The following COQ5 variants were observed in gnomAD, a reference collection of about 807,000 sequenced individuals.
COQ5 encodes 2-methoxy-6-polyprenyl-1,4-benzoquinol methylase, mitochondrial.
Under a neutral mutation model 40.5 loss-of-function variants are expected in COQ5, and 27 were observed. That is an observed-to-expected ratio of 0.67 (90% confidence interval 0.49 to 0.92). The LOEUF (loss-of-function observed/expected upper bound fraction) is 0.92, where lower values mean the gene tolerates loss of function less well. COQ5 is among the 40% of genes least tolerant of loss of function. The probability of loss-of-function intolerance (pLI) is 0.00; values close to 1 mark genes in which losing one functional copy is unlikely to be tolerated. For missense variants in COQ5, 409 were observed against 406.4 expected (o/e 1.01, Z -0.06); for synonymous variants, 141 against 150.0 (o/e 0.94, Z 0.44).
intron 1 of COQ5, among the ~76,000 whole-genome samples, chr12:120,528,021 A>AAAAAAAAAAAAC (rs1870041690): frequency 8.3e-6 from 1 of 120,414 alleles, no homozygotes; most frequent in Non-Finnish European, 1.8e-5. Flanking sequence ...AAAAAAAAAA[A>AAAAAAAAAAAAC]AGAAACCCCG....
At chr12:120,508,881 T>C (rs1251572767) in intron 4 of COQ5, among the ~76,000 whole-genome samples, 2 of 151,736 alleles carry the variant, frequency 1.3e-5, no homozygotes, top group Admixed American at 1.3e-4. Flanking sequence ...AAAAATTAGC[T>C]GGGCGTGGTG....
At chr12:120,523,793 C>G (rs532723792) in intron 1 of COQ5, 1 of 249,910 alleles carries the variant, frequency 4.0e-6, no homozygotes, top group Admixed American at 5.3e-5. Flanking sequence ...GTGGTTCACT[C>G]GAGGCCAGGA....
At chr12:120,509,906 C>A in intron 4 of COQ5, 111 bp downstream of exon 4, 1 of 826,956 alleles carries the variant, frequency 1.2e-6, no homozygotes, top group Non-Finnish European at 2.0e-6. Flanking sequence ...GGCAACATAC[C>A]AAGACCCCAT....
Position 120,522,329 on chromosome 12 carries a change from A to AT in COQ5, c.236dup (p.Tyr79Ter). ...GACTCATCATATCATTCATCACATC[A>AT]TACTTCTTAGCCACACTTTCAAACA... ...YQVFESVAKK[Y>*]DVMNDMMSLG... Residue 79 changes from tyrosine (Y) to a stop codon, truncating the protein, a stop_gained and frameshift_variant, in exon 2 of 7, where the codon TAT becomes TAAT. Transcript: ENST00000288532. LOFTEE classifies it high-confidence loss of function. 1 of 1,613,838 alleles carries AT rather than the reference A, an allele frequency of 6.2e-7. No homozygotes were observed. Among genetic ancestry groups the AT allele is most frequent in the South Asian group, 1.1e-5 (1 of 91,074 alleles).
intron 2 of COQ5, 87 bp from the exon 3 acceptor site, chr12:120,516,875 A>G (rs1187714743): frequency 8.9e-7 from 1 of 1,126,146 alleles, no homozygotes; most frequent in African/African-American, 1.5e-5. Context: ...CAAAGGGGTA[A>G]CAGAGGCACA....
At chr12:120,528,402 C>A (rs1870065076) in intron 1 of COQ5, among the ~76,000 whole-genome samples, 1 of 152,120 alleles carries the variant, frequency 6.6e-6, no homozygotes, top group Non-Finnish European at 1.5e-5. Context: ...ATGGTAATAA[C>A]AATACCCACT....
Position 120,523,333 on chromosome 12 carries a change from T to A in COQ5, c.203-970A>T, listed in dbSNP as rs931386863. The stretch of plus-strand genomic sequence containing the variant: ...GCCTGGGCCACAGAGCGAGACTCCG[T>A]CTCAAAGAAAAAAAAATAGGATTCA... On this transcript the variant is annotated intron_variant, in intron 1 of 6. Coordinates refer to ENST00000288532, the MANE Select transcript of COQ5 (RefSeq NM_032314.4). The A allele has an allele frequency of 3.1e-4, 100 of 318,502 alleles. 1 individual carries two copies. The highest frequency in any genetic ancestry group is 1.1e-4 in the Admixed American group (3 of 28,556). The allele number at this position is 318,502 out of a possible 1,614,324, so 19.7% of individuals were successfully genotyped here.
intron 2 of COQ5, among the ~76,000 whole-genome samples, chr12:120,517,239 C>T (rs563291600): frequency 1.5e-4 from 23 of 151,960 alleles, no homozygotes; most frequent in South Asian, 4.2e-4. Flanking sequence ...GTTATCCCAG[C>T]TACTTGGGAG....
At chr12:120,519,810 C>G (rs997966982) in intron 2 of COQ5, among the ~76,000 whole-genome samples, 1 of 142,034 alleles carries the variant, frequency 7.0e-6, no homozygotes, top group Admixed American at 7.5e-5. Flanking sequence ...GCAGAGGTTG[C>G]GGTGAGCCGA....
At chr12:120,516,240 A>T (rs967026453) in intron 3 of COQ5, among the ~76,000 whole-genome samples, 13 of 152,214 alleles carry the variant, frequency 8.5e-5, no homozygotes, top group Non-Finnish European at 1.8e-4. Flanking sequence ...CTTCTGTCTC[A>T]GGGTCTCAGA....
At chr12:120,518,587 A>G (rs1330482068) in intron 2 of COQ5, among the ~76,000 whole-genome samples, 1 of 148,272 alleles carries the variant, frequency 6.7e-6, no homozygotes, top group Admixed American at 6.8e-5. Flanking sequence ...TTTCCCTGAG[A>G]CGGAGGCTCG....
Position 120,516,746 on chromosome 12 carries a change from T to A in COQ5, c.395A>T (p.His132Leu), listed in dbSNP as rs146254683. The A allele has an allele frequency of 1.2e-6, 2 of 1,614,242 alleles. No individual in the cohort carries two copies. Among genetic ancestry groups the A allele is most frequent in the Admixed American group, 3.3e-5 (2 of 60,020 alleles). Residue 132 changes from histidine to leucine, a missense_variant, in exon 3 of 7, where the codon CAT becomes CTT. His to Leu is a moderately conservative substitution (Grantham distance 99, BLOSUM62 -3). Coordinates refer to ENST00000288532, the MANE Select transcript of COQ5 (RefSeq NM_032314.4). ...FRFLNYVQSQ[H>L]QRKQKRQLRA... ...TAACTGCCTCTTCTGTTTTCTCTGA[T>A]GCTGGGACTGAACATAATTAAGGAA...
chr12:120,517,496 C>T (rs1277473284), intron 2 of COQ5, among the ~76,000 whole-genome samples: 1 of 149,294 alleles, frequency 6.7e-6, no homozygotes, highest in Non-Finnish European at 1.5e-5. Flanking sequence ...TGATGAAACC[C>T]CGTCTCTACT....
intron 2 of COQ5, 34 bp from the exon 3 acceptor site, chr12:120,516,822 T>C (rs746582382): frequency 7.0e-6 from 11 of 1,569,386 alleles, no homozygotes; most frequent in Admixed American, 1.7e-5. Context: ...AGATGCAGAC[T>C]AAAACAAAAA....
chr12:120,504,408 A>AT (rs33973905), intron 5 of COQ5, among the ~76,000 whole-genome samples: 37,028 of 111,028 alleles, frequency 0.33, 6,959 homozygotes, highest in East Asian at 0.51. Flanking sequence ...CCTGATTTAA[A>AT]TTTTTTTTTT....
At chr12:120,510,179 C>T (rs1409529517) in intron 3 of COQ5, 56 bp from the exon 4 acceptor site, 12 of 1,350,738 alleles carry the variant, frequency 8.9e-6, no homozygotes, top group Non-Finnish European at 1.3e-5. Flanking sequence ...TTCCTGCCCC[C>T]AGTGAATTCA....
intron 1 of COQ5, among the ~76,000 whole-genome samples, chr12:120,525,597 A>G (rs896115933): frequency 6.6e-6 from 1 of 152,106 alleles, no homozygotes; most frequent in Non-Finnish European, 1.5e-5. Context: ...ATTGTACCCC[A>G]GCCTGGGCAG....
At chr12:120,516,193 G>A (rs113445712) in intron 3 of COQ5, among the ~76,000 whole-genome samples, 4 of 152,168 alleles carry the variant, frequency 2.6e-5, no homozygotes, top group Non-Finnish European at 5.9e-5. Context: ...ATGATACACC[G>A]AAGTCACCCT....
chr12:120,511,508 G>A (rs1565930116), intron 3 of COQ5, among the ~76,000 whole-genome samples: 1 of 152,110 alleles, frequency 6.6e-6, no homozygotes, highest in East Asian at 1.9e-4. Context: ...AGTCTGAGCT[G>A]AGCACGGTGG....
Sources: allele counts gnomAD v4.1 joint callset (sites outside exome capture counted in the v4.1 genomes callset), GRCh38; gene constraint gnomAD v4.1.1; transcripts MANE v1.5; gene names NCBI Gene and HGNC (gene_info 2026-07-23, HGNC 2026-07-21).